The following NCKAP5 variants were observed in gnomAD, a reference collection of about 807,000 sequenced individuals.
NCKAP5 encodes NCK associated protein 5.
In NCKAP5, 92 loss-of-function variants were observed where a neutral mutation model predicts 167.0. The observed-to-expected ratio is 0.55, with a 90% CI of 0.47 to 0.66. The LOEUF is 0.66. Among genes scored for constraint, NCKAP5 ranks in the 30% least tolerant of loss-of-function variants. NCKAP5 has a pLI of 0.00. For missense variants in NCKAP5, 2,378 were observed against 2,315.0 expected, an observed-to-expected ratio of 1.03 and a Z score of -0.56; for synonymous variants, 891 against 877.4, an observed-to-expected ratio of 1.02 and a Z score of -0.27.
intron 4 of NCKAP5, among the ~76,000 whole-genome samples, chr2:133,240,953 C>A (rs530756177): frequency 6.6e-6 from 1 of 152,148 alleles, no homozygotes; most frequent in African/African-American, 2.4e-5. Flanking sequence ...AAAGAAAAAA[C>A]AATTTTGCTA....
chr2:133,374,428 G>A (rs1375850186), intron 3 of NCKAP5, among the ~76,000 whole-genome samples: 1 of 152,164 alleles, frequency 6.6e-6, no homozygotes, highest in Non-Finnish European at 1.5e-5. Flanking sequence ...TTATACATTT[G>A]TCCAACTCAT....
chr2:133,143,792 G>T (rs1197734763), intron 5 of NCKAP5, among the ~76,000 whole-genome samples: 2 of 151,456 alleles, frequency 1.3e-5, no homozygotes, highest in African/African-American at 4.9e-5. Flanking sequence ...ATACTAGACA[G>T]TTGGCACTAT....
chr2:132,788,362 G>A (rs989549617), intron 13 of NCKAP5, among the ~76,000 whole-genome samples: 2 of 152,114 alleles, frequency 1.3e-5, no homozygotes, highest in Non-Finnish European at 2.9e-5. Flanking sequence ...GTCTTAATGG[G>A]AGCAAACTGA....
At chr2:132,696,143 C>T (rs181913743) in intron 19 of NCKAP5, among the ~76,000 whole-genome samples, 11 of 152,252 alleles carry the variant, frequency 7.2e-5, no homozygotes, top group Admixed American at 3.9e-4. Context: ...CCTGACCAAA[C>T]CAAATGCATT....
In NCKAP5 at chr2:132,938,785, A is replaced by G. The variant is rs77164915; in HGVS notation, c.579+24935T>C. Among the ~76,000 whole-genome samples the G allele has an allele frequency of 2.8e-3, 427 of 152,262 alleles. 1 individual carries two copies. Among genetic ancestry groups the G allele is most frequent in the African/African-American group, 9.8e-3 (408 of 41,554 alleles). ...GAGAAAGAAGGGGGAGAGAGGTGAG[A>G]AAGAGGGAGAGAGAAATGCCTCTCA... is the stretch of plus-strand genomic sequence containing the variant. On this transcript the variant is annotated intron_variant, in intron 8 of 19. Coordinates refer to ENST00000409261, the MANE Select transcript of NCKAP5 (RefSeq NM_207363.3).
At chr2:132,733,384 C>T (rs202045399) in intron 16 of NCKAP5, among the ~76,000 whole-genome samples, 1 of 152,304 alleles carries the variant, frequency 6.6e-6, no homozygotes, top group South Asian at 2.1e-4. Flanking sequence ...TCAACAGCTA[C>T]CACTTCTTTG....
rs1211968580 is a variant in NCKAP5, at chr2:132,672,322, GTAT to G, written c.*964_*966del. The G allele has an allele frequency of 6.6e-6, 1 of 152,238 alleles. No individual in the cohort carries two copies. The highest frequency in any genetic ancestry group is 2.4e-5 in the African/African-American group (1 of 41,430). The allele number at this position is 152,238 out of a possible 1,614,324, so 9.4% of individuals were successfully genotyped here. ...AAGAAATGTCTGGAAGGAAAAACTG[GTAT>G]TGGGAATAGAATTCGGTCATTTCTG... On this transcript the variant is annotated 3_prime_UTR_variant, in exon 20 of 20. Transcript: ENST00000409261.
intron 2 of NCKAP5, among the ~76,000 whole-genome samples, chr2:133,549,393 A>G (rs1395498644): frequency 1.8e-5 from 2 of 113,054 alleles, no homozygotes; most frequent in Admixed American, 9.3e-5. Context: ...ATAACAAACT[A>G]TCTCTCAGAC....
At chr2:133,547,915 C>A (rs1416220282) in intron 2 of NCKAP5, among the ~76,000 whole-genome samples, 1 of 146,262 alleles carries the variant, frequency 6.8e-6, no homozygotes, top group East Asian at 2.1e-4. Context: ...AGGCTTCAGA[C>A]GATCAAATTA....
intron 8 of NCKAP5, among the ~76,000 whole-genome samples, chr2:132,900,520 A>T (rs1558919573): frequency 6.6e-6 from 1 of 152,164 alleles, no homozygotes; most frequent in Admixed American, 6.6e-5. Context: ...ATATACACAC[A>T]TACATCAATG....
chr2:132,889,356 C>T lies in NCKAP5; in HGVS notation c.580-10440G>A, dbSNP rs561743074. On this transcript the variant is annotated intron_variant, in intron 8 of 19. Coordinates refer to ENST00000409261, the MANE Select transcript of NCKAP5 (RefSeq NM_207363.3). Reference sequence around the variant, plus strand: ...AAGTGGAACAGTCATATTCAGGAAACGAGGTGGAACATCAATTCTTTTATG... The same window carrying T: ...AAGTGGAACAGTCATATTCAGGAAATGAGGTGGAACATCAATTCTTTTATG... Among the ~76,000 whole-genome samples, 6 of 152,262 alleles carry T rather than the reference C, an allele frequency of 3.9e-5. No individual in the cohort carries two copies. In the East Asian group the frequency reaches 7.7e-4, roughly 20 times the overall value.
chr2:132,721,000 T>C (rs563160572), intron 19 of NCKAP5, among the ~76,000 whole-genome samples: 1 of 130,918 alleles, frequency 7.6e-6, no homozygotes, highest in Non-Finnish European at 1.6e-5. Flanking sequence ...AGGTACACAG[T>C]GAGACTCCAT....
chr2:132,709,100 G>C (rs993263086), intron 19 of NCKAP5, among the ~76,000 whole-genome samples: 1 of 151,702 alleles, frequency 6.6e-6, no homozygotes. Context: ...TCTAGTAACT[G>C]TCTACACATT....
At position 133,062,360 on chromosome 2, in the gene NCKAP5, G is replaced by A. The variant is rs533265343; in HGVS notation, c.341+67618C>T. On this transcript the variant is annotated intron_variant, in intron 6 of 19. Transcript: ENST00000409261. Reference sequence around the variant, plus strand: ...AAGAGATGAAGCAACACTCTTTGGCGACATATGGTGAGTCATTTAAGTGTA... The same window carrying A: ...AAGAGATGAAGCAACACTCTTTGGCAACATATGGTGAGTCATTTAAGTGTA... 6.6e-5 allele frequency among the ~76,000 whole-genome samples: 10 copies of A among 152,302 alleles called. No individual in the cohort carries two copies. In the South Asian group the frequency reaches 1.2e-3, roughly 19 times the overall value.
intron 4 of NCKAP5, among the ~76,000 whole-genome samples, chr2:133,248,702 C>T (rs2088137294): frequency 6.6e-6 from 1 of 152,174 alleles, no homozygotes; most frequent in South Asian, 2.1e-4. Flanking sequence ...AAATTCTCTT[C>T]AGTGTAGAGT....
At chr2:132,928,556 GGGCAAGGGGAAGAACAA>G (rs1457024655) in intron 8 of NCKAP5, among the ~76,000 whole-genome samples, 2 of 152,094 alleles carry the variant, frequency 1.3e-5, no homozygotes, top group Non-Finnish European at 2.9e-5. Context: ...AAACTCAAGT[GGGCAAGGGGAAGAACAA>G]GGCAGTCATG....
At chr2:133,218,617 C>T (rs1470500124) in intron 4 of NCKAP5, among the ~76,000 whole-genome samples, 3 of 152,088 alleles carry the variant, frequency 2.0e-5, no homozygotes, top group Non-Finnish European at 2.9e-5. Flanking sequence ...GCCTTGAATC[C>T]TCATTCTTAA....
intron 11 of NCKAP5, among the ~76,000 whole-genome samples, chr2:132,810,245 T>C (rs1466242069): frequency 6.6e-6 from 1 of 152,236 alleles, no homozygotes; most frequent in Non-Finnish European, 1.5e-5. Context: ...GATGACAATG[T>C]GCCTAGGCAA....
intron 5 of NCKAP5, among the ~76,000 whole-genome samples, chr2:133,154,495 T>C (rs1363378979): frequency 6.6e-6 from 1 of 152,230 alleles, no homozygotes; most frequent in Non-Finnish European, 1.5e-5. Flanking sequence ...ATAACATAAA[T>C]GTTAACTCAG....
Sources: allele counts gnomAD v4.1 joint callset (sites outside exome capture counted in the v4.1 genomes callset), GRCh38; gene constraint gnomAD v4.1.1; transcripts MANE v1.5; gene names NCBI Gene and HGNC (gene_info 2026-07-23, HGNC 2026-07-21).